Variants in DAB1 observed in about 807,000 individuals in gnomAD.
The protein encoded by DAB1 is DAB adaptor protein 1.
In DAB1, 15 loss-of-function variants were observed where a neutral mutation model predicts 64.6. That is an observed-to-expected ratio of 0.23 (90% CI 0.16 to 0.36). The LOEUF is 0.36. DAB1 is among the 10% of genes least tolerant of loss of function. The pLI, the probability that DAB1 is intolerant of heterozygous loss-of-function variation, is 1.00. For missense variants in DAB1, 596 were observed against 706.7 expected, an observed-to-expected ratio of 0.84 and a Z score of 1.78; for synonymous variants, 235 against 251.9, an observed-to-expected ratio of 0.93 and a Z score of 0.64.
At chr1:57,183,325 A>T (rs559214070) in intron 2 of DAB1, among the ~76,000 whole-genome samples, 1 of 152,228 alleles carries the variant, frequency 6.6e-6, no homozygotes, top group Non-Finnish European at 1.5e-5. Context: ...AGACAGTTAC[A>T]CTGACACAAA....
intron 6 of DAB1, among the ~76,000 whole-genome samples, chr1:57,742,055 A>C (rs935289492): frequency 2.6e-5 from 4 of 152,210 alleles, no homozygotes; most frequent in African/African-American, 2.4e-5. Context: ...AATAAAAAGT[A>C]GGGTAATAAA....
intron 5 of DAB1, among the ~76,000 whole-genome samples, chr1:58,024,045 A>G (rs1176309130): frequency 1.3e-5 from 2 of 152,084 alleles, no homozygotes; most frequent in African/African-American, 4.8e-5. Flanking sequence ...TTTTTTATTA[A>G]TTTGTTTGTC....
At chr1:57,078,401 CT>C (rs930866891) in intron 4 of DAB1, among the ~76,000 whole-genome samples, 1 of 152,062 alleles carries the variant, frequency 6.6e-6, no homozygotes, top group Admixed American at 6.5e-5. Flanking sequence ...CTTCTTTTCT[CT>C]TTTTGTATAA....
intron 2 of DAB1, among the ~76,000 whole-genome samples, chr1:57,156,457 G>A (rs1286144835): frequency 6.6e-6 from 1 of 152,272 alleles, no homozygotes; most frequent in East Asian, 1.9e-4. Flanking sequence ...TCTGAACCTA[G>A]CGTGATGCCA....
At chr1:57,071,402 G>A (rs1651446301) in intron 6 of DAB1, 120 bp downstream of exon 6, 2 of 1,215,270 alleles carry the variant, frequency 1.6e-6, no homozygotes, top group African/African-American at 1.5e-5. Context: ...ATTTACACAG[G>A]AATCTTTCAT....
chr1:57,218,951 G>A (rs1283663061), intron 2 of DAB1, among the ~76,000 whole-genome samples: 1 of 152,100 alleles, frequency 6.6e-6, no homozygotes, highest in African/African-American at 2.4e-5. Context: ...GAATTATACA[G>A]GGGGAAGATA....
intron 5 of DAB1, among the ~76,000 whole-genome samples, chr1:58,057,118 TC>T (rs1300619449): frequency 6.6e-6 from 1 of 152,178 alleles, no homozygotes; most frequent in African/African-American, 2.4e-5. Context: ...AACCTGATTC[TC>T]CCTCTTTCAA....
chr1:57,107,841 A>G (rs12564961), intron 4 of DAB1, among the ~76,000 whole-genome samples: 1,993 of 152,278 alleles, frequency 0.013, 31 homozygotes, highest in Admixed American at 0.052. Flanking sequence ...TTTGGAAGAC[A>G]ACCTCTGCTT....
intron 2 of DAB1, among the ~76,000 whole-genome samples, chr1:57,187,873 C>T (rs1663738486): frequency 6.6e-6 from 1 of 151,856 alleles, no homozygotes; most frequent in Non-Finnish European, 1.5e-5. Flanking sequence ...AAGAGAGATC[C>T]CCCACAAAGA....
At chr1:57,394,565 G>T (rs1172990466) in intron 1 of DAB1, among the ~76,000 whole-genome samples, 1 of 152,218 alleles carries the variant, frequency 6.6e-6, no homozygotes, top group Non-Finnish European at 1.5e-5. Flanking sequence ...AGAAGGAAAT[G>T]CTTCTGAATG....
chr1:57,002,616 G>A (rs1425325589), intron 14 of DAB1, among the ~76,000 whole-genome samples: 1 of 152,208 alleles, frequency 6.6e-6, no homozygotes, highest in Non-Finnish European at 1.5e-5. Flanking sequence ...TGTTTTGCCT[G>A]TGTTCAGCCA....
chr1:57,789,579 G>A (rs1203140587), intron 6 of DAB1, among the ~76,000 whole-genome samples: 1 of 152,174 alleles, frequency 6.6e-6, no homozygotes, highest in East Asian at 1.9e-4. Flanking sequence ...GAAAAGGCAA[G>A]CAGGCTGTCT....
chr1:58,208,790 C>T (rs913419133), intron 4 of DAB1, among the ~76,000 whole-genome samples: 5 of 152,082 alleles, frequency 3.3e-5, no homozygotes, highest in African/African-American at 1.2e-4. Flanking sequence ...ACTTCTTTTC[C>T]TCTGGTAGAT....
At position 57,706,800 on chromosome 1, in the gene DAB1, C is replaced by A. The variant is rs139591684; in HGVS notation, n.552-57135G>T. Among the ~76,000 whole-genome samples the A allele has an allele frequency of 1.8e-3, 279 of 151,910 alleles. 4 individuals are homozygous for A. In the East Asian group the frequency reaches 0.026, roughly 14 times the overall value. Reference sequence around the variant, plus strand: ...ATTAAGATACATTCCAGGCCGGGCGCGGTGGCTCACACCTGTAATCCCAGC... The same window carrying A: ...ATTAAGATACATTCCAGGCCGGGCGAGGTGGCTCACACCTGTAATCCCAGC... On this transcript the variant is annotated intron_variant and non_coding_transcript_variant, in intron 6 of 20. Transcript: ENST00000485760.
chr1:57,883,806 C>T (rs933061711), intron 1 of DAB1, among the ~76,000 whole-genome samples: 5 of 152,158 alleles, frequency 3.3e-5, no homozygotes, highest in South Asian at 2.1e-4. Flanking sequence ...CGCTGGCTAC[C>T]GCCTCATTGA....
rs747021990 is a variant in DAB1, at chr1:57,226,672, A to AAAAT, written c.67+64291_67+64292insATTT. Among the ~76,000 whole-genome samples, 626 of 135,976 alleles carry AAAAT rather than the reference A, an allele frequency of 4.6e-3. 11 individuals carry two copies. The highest frequency in any genetic ancestry group is 0.015 in the African/African-American group (476 of 32,388). The allele number at this position is 135,976 out of a possible 152,430, so 89.2% of individuals were successfully genotyped here. ...GTCACTCAAAAGTGGTTAAAAAAAA[A>AAAAT]ATATATATATATATATATATATATA... is the stretch of plus-strand genomic sequence containing the variant. On this transcript the variant is annotated intron_variant, in intron 2 of 14. Coordinates refer to ENST00000371236, the MANE Select transcript of DAB1 (RefSeq NM_001365792.1).
At chr1:57,612,651 C>T (rs1377286239) in intron 7 of DAB1, among the ~76,000 whole-genome samples, 1 of 152,048 alleles carries the variant, frequency 6.6e-6, no homozygotes, top group Non-Finnish European at 1.5e-5. Flanking sequence ...ATGGGACTGC[C>T]AAGATCTTAA....
intron 4 of DAB1, among the ~76,000 whole-genome samples, chr1:58,247,273 T>TTAAA (rs1161714562): frequency 7.3e-6 from 1 of 137,808 alleles, no homozygotes; most frequent in African/African-American, 2.8e-5. Context: ...CCCCGCCAGG[T>TTAAA]TAAATAAATA....
chr1:57,218,609 C>T (rs1045762193), intron 2 of DAB1, among the ~76,000 whole-genome samples: 11 of 150,274 alleles, frequency 7.3e-5, no homozygotes, highest in African/African-American at 2.7e-4. Context: ...GTGGAAGGAT[C>T]GCTTGAGCGT....
Sources: allele counts gnomAD v4.1 joint callset (sites outside exome capture counted in the v4.1 genomes callset), GRCh38; gene constraint gnomAD v4.1.1; transcripts MANE v1.5; gene names NCBI Gene and HGNC (gene_info 2026-07-23, HGNC 2026-07-21).